Variants in SEMA3E observed in about 807,000 individuals in gnomAD.
SEMA3E encodes semaphorin-3E.
SEMA3E carries 49 observed loss-of-function variants against 93.6 expected under a neutral mutation model. That is an observed-to-expected ratio of 0.52 (90% CI 0.42 to 0.66). The LOEUF (loss-of-function observed/expected upper bound fraction) is 0.66. Ranked by LOEUF, SEMA3E falls within the 30% of genes least tolerant of loss-of-function variation. The probability of loss-of-function intolerance (pLI) is 0.00; values close to 1 mark genes in which losing one functional copy is unlikely to be tolerated. For missense variants in SEMA3E, 906 were observed against 964.8 expected (o/e 0.94, Z 0.81); for synonymous variants, 363 against 330.7 (o/e 1.10, Z -1.06).
chr7:83,547,919 T>C (rs1791684068), intron 1 of SEMA3E, among the ~76,000 whole-genome samples: 1 of 152,066 alleles, frequency 6.6e-6, no homozygotes, highest in South Asian at 2.1e-4. Context: ...AGAAAATAAA[T>C]ACACAAGATG....
intron 16 of SEMA3E, among the ~76,000 whole-genome samples, chr7:83,380,918 T>C (rs1267114676): frequency 6.6e-6 from 1 of 151,942 alleles, no homozygotes; most frequent in African/African-American, 2.4e-5. Flanking sequence ...TAGTGAAAAA[T>C]ATAGCAAAGC....
intron 4 of SEMA3E, among the ~76,000 whole-genome samples, chr7:83,436,083 G>C (rs971295913): frequency 5.3e-5 from 8 of 151,854 alleles, no homozygotes; most frequent in African/African-American, 1.9e-4. Context: ...ACTATATTTG[G>C]TAATGTGAAA....
At chr7:83,369,201 A>G (rs182520097) in intron 16 of SEMA3E, among the ~76,000 whole-genome samples, 8 of 152,290 alleles carry the variant, frequency 5.3e-5, no homozygotes, top group Admixed American at 2.0e-4. Flanking sequence ...TTCTTTGTCA[A>G]TATAAAAGAA....
intron 4 of SEMA3E, among the ~76,000 whole-genome samples, chr7:83,425,974 G>T (rs1484004813): frequency 6.6e-6 from 1 of 151,986 alleles, no homozygotes; most frequent in Admixed American, 6.6e-5. Context: ...ATGAAAAAAA[G>T]CTCCACATCA....
At chr7:83,443,844 T>C (rs551624607) in intron 4 of SEMA3E, among the ~76,000 whole-genome samples, 5 of 151,712 alleles carry the variant, frequency 3.3e-5, no homozygotes, top group Non-Finnish European at 5.9e-5. Context: ...CAACAACTAT[T>C]TAAGGGTCTA....
chr7:83,582,177 A>G (rs1792530098), intron 1 of SEMA3E, among the ~76,000 whole-genome samples: 1 of 150,738 alleles, frequency 6.6e-6, no homozygotes, highest in East Asian at 1.9e-4. Context: ...TTATATTTAA[A>G]TAAAATTTAA....
Position 83,546,586 on chromosome 7 carries a change from A to G in SEMA3E, c.116-56312T>C, listed in dbSNP as rs554218206. 1.6e-3 allele frequency among the ~76,000 whole-genome samples: 239 copies of G among 152,136 alleles called. 1 individual carries two copies. Among genetic ancestry groups the G allele is most frequent in the Non-Finnish European group, 2.9e-3 (196 of 67,980 alleles). On this transcript the variant is annotated intron_variant, in intron 1 of 16. Transcript: ENST00000643230. ...ATTTGTTTTTCTTCCATTAGCTGAT[A>G]TAGATTTCACTTTAGGATCAACATT... is the stretch of plus-strand genomic sequence containing the variant.
intron 1 of SEMA3E, among the ~76,000 whole-genome samples, chr7:83,530,571 T>G (rs1791268476): frequency 6.6e-6 from 1 of 152,122 alleles, no homozygotes; most frequent in East Asian, 1.9e-4. Flanking sequence ...CAATATATAT[T>G]CTTTTTAAAA....
At chr7:83,540,806 T>C (rs1791516217) in intron 1 of SEMA3E, among the ~76,000 whole-genome samples, 1 of 152,178 alleles carries the variant, frequency 6.6e-6, no homozygotes, top group Non-Finnish European at 1.5e-5. Context: ...GTGAGAATAA[T>C]ACTGAAATAA....
At chr7:83,590,377 A>G (rs1296881966) in intron 1 of SEMA3E, among the ~76,000 whole-genome samples, 1 of 151,342 alleles carries the variant, frequency 6.6e-6, no homozygotes, top group Non-Finnish European at 1.5e-5. Context: ...CAAAATCTGG[A>G]GCGTAAATAT....
chr7:83,626,328 C>A (rs1793666505), intron 1 of SEMA3E, among the ~76,000 whole-genome samples: 1 of 152,184 alleles, frequency 6.6e-6, no homozygotes, highest in African/African-American at 2.4e-5. Context: ...GTGAATCCAT[C>A]TGGTCCTGGG....
At chr7:83,535,034 G>A (rs918629938) in intron 1 of SEMA3E, among the ~76,000 whole-genome samples, 1 of 152,160 alleles carries the variant, frequency 6.6e-6, no homozygotes, top group Non-Finnish European at 1.5e-5. Context: ...TCTTAGGCAG[G>A]AATAAAATTG....
At chr7:83,548,926 A>G (rs149869918) in intron 1 of SEMA3E, among the ~76,000 whole-genome samples, 2 of 152,044 alleles carry the variant, frequency 1.3e-5, no homozygotes, top group Admixed American at 1.3e-4. Context: ...AACATTTAGG[A>G]TTTAGAGAAC....
chr7:83,430,834 TAAAGTA>T (rs1562779122), intron 4 of SEMA3E, among the ~76,000 whole-genome samples: 2 of 152,082 alleles, frequency 1.3e-5, no homozygotes, highest in Non-Finnish European at 2.9e-5. Flanking sequence ...TCCCAGGACT[TAAAGTA>T]AAATAAAAAT....
At chr7:83,637,024 GTGTGTGTGTGTGTGTA>G (rs1446750471) in intron 1 of SEMA3E, among the ~76,000 whole-genome samples, 2 of 148,926 alleles carry the variant, frequency 1.3e-5, no homozygotes, top group African/African-American at 4.9e-5. Flanking sequence ...ATGTGTGAGA[GTGTGTGTGTGTGTGTA>G]TGTGTGTGTG....
At chr7:83,537,960 C>G (rs9632703) in intron 1 of SEMA3E, among the ~76,000 whole-genome samples, 19,809 of 152,036 alleles carry the variant, frequency 0.13, 1,985 homozygotes, top group African/African-American at 0.28. Context: ...AATTTCTTCT[C>G]AATAGAATCA....
intron 4 of SEMA3E, among the ~76,000 whole-genome samples, chr7:83,453,416 C>A (rs941265781): frequency 9.0e-6 from 1 of 111,450 alleles, no homozygotes; most frequent in East Asian, 4.3e-4. Flanking sequence ...CCCATTCTCC[C>A]TACTGAAAAA....
intron 1 of SEMA3E, among the ~76,000 whole-genome samples, chr7:83,501,957 A>C (rs979925079): frequency 6.6e-6 from 1 of 152,114 alleles, no homozygotes; most frequent in Non-Finnish European, 1.5e-5. Flanking sequence ...TTGACCCCCA[A>C]ATCCATACTT....
At chr7:83,491,532 C>G (rs1349160614) in intron 1 of SEMA3E, among the ~76,000 whole-genome samples, 1 of 151,906 alleles carries the variant, frequency 6.6e-6, no homozygotes, top group East Asian at 1.9e-4. Context: ...AAAACTTTCT[C>G]TTATTGAGTT....
Sources: allele counts gnomAD v4.1 joint callset (sites outside exome capture counted in the v4.1 genomes callset), GRCh38; gene constraint gnomAD v4.1.1; transcripts MANE v1.5; gene names NCBI Gene and HGNC (gene_info 2026-07-23, HGNC 2026-07-21).